ENDOU: variants seen among roughly 807,000 people sequenced by gnomAD.
The protein encoded by ENDOU is uridylate-specific endoribonuclease.
In ENDOU, 49 loss-of-function variants were observed where a neutral mutation model predicts 54.2. The ratio of observed to expected loss-of-function variants is 0.90; its 90% CI spans 0.72 to 1.15. The LOEUF (loss-of-function observed/expected upper bound fraction) is 1.15. ENDOU is among the 50% of genes most tolerant of loss of function. The pLI is 0.00. For missense variants in ENDOU, 458 were observed against 511.4 expected (o/e 0.90, Z 1.01); for synonymous variants, 172 against 190.5 (o/e 0.90, Z 0.80).
chr12:47,718,044 G>C, intron 3 of ENDOU, 85 bp downstream of exon 3: 1 of 1,195,024 alleles, frequency 8.4e-7, no homozygotes, highest in Non-Finnish European at 1.2e-6. Flanking sequence ...TGGGCCTGGT[G>C]CCACTGCCAT....
chr12:47,725,403 C>T lies in ENDOU; in HGVS notation c.11G>A (p.Cys4Tyr). 3.1e-6 allele frequency: 5 copies of T among 1,614,144 alleles called. No homozygotes were observed. Among genetic ancestry groups the T allele is most frequent in the African/African-American group, 1.3e-5 (1 of 75,054 alleles). Residue 4 changes from cysteine to tyrosine, a missense_variant, in exon 1 of 10, where the codon TGC becomes TAC. Transcript: ENST00000422538. MRA[C>Y]ISLVLAVLCG... ...CAGCACGGCCAATACCAGGGAGATG[C>T]AGGCCCTCATGGTGCCCAGTTGGAG...
Position 47,716,968 on chromosome 12 carries a change from T to G in ENDOU, c.473A>C (p.Lys158Thr). 1 of 1,614,214 alleles carries G rather than the reference T, an allele frequency of 6.2e-7. No individual in the cohort carries two copies. The highest frequency in any genetic ancestry group is 8.5e-7 in the Non-Finnish European group (1 of 1,180,000). The change falls in exon 5 of 10, where the codon AAG (lysine) becomes ACG (threonine). Residue 158 changes from lysine (K) to threonine (T), a missense_variant. Physicochemically the swap from Lys to Thr is moderately conservative, Grantham distance 78. Transcript: ENST00000422538. ...IYRADTNKAQ[K>T]EDIVLNSQNC... ...TTGGCTATTGAGAACGATGTCTTCC[T>G]TCTGGGCTTTGTTGGTGTCTGCCCT...
At position 47,717,671 on chromosome 12, in the gene ENDOU, T is replaced by C. The variant is rs1555185560; in HGVS notation, c.245-16A>G. The C allele has an allele frequency of 1.5e-5, 25 of 1,613,066 alleles. No individual in the cohort carries two copies. In the South Asian group the frequency reaches 2.4e-4, roughly 16 times the overall value. ...GAGTACAAGTCTGAGAAGAGAGGGG[T>C]GGTGTGTCCCGGGCTGACCTCTAGA... is the stretch of plus-strand genomic sequence containing the variant. On this transcript the variant is annotated splice_polypyrimidine_tract_variant and intron_variant, in intron 3 of 9. Transcript: ENST00000422538.
At chr12:47,711,996 A>G (rs1316040174) in intron 8 of ENDOU, among the ~76,000 whole-genome samples, 1 of 152,160 alleles carries the variant, frequency 6.6e-6, no homozygotes, top group Non-Finnish European at 1.5e-5. Flanking sequence ...GTGCACATCT[A>G]CCAGAAAGGC....
Position 47,716,361 on chromosome 12 carries a change from G to A in ENDOU, c.690C>T (p.Phe230=), listed in dbSNP as rs758941978. Residue 230 remains phenylalanine (F), a synonymous_variant, in exon 6 of 10, where the codon TTC becomes TTT. Transcript: ENST00000422538. ...SAQELAEQDA[F]LREIMKTAVM... ...CTGCTGTCTTCATGATCTCTCTGAG[G>A]AAGGCGTCCTGCTCGGCCAGCTCCT... The A allele has an allele frequency of 1.2e-6, 2 of 1,614,180 alleles. No individual in the cohort carries two copies. Among genetic ancestry groups the A allele is most frequent in the South Asian group, 2.2e-5 (2 of 91,086 alleles).
At chr12:47,724,310 C>G (rs1940522266) in intron 1 of ENDOU, among the ~76,000 whole-genome samples, 1 of 152,198 alleles carries the variant, frequency 6.6e-6, no homozygotes, top group Non-Finnish European at 1.5e-5. Context: ...GAGCTGGTTT[C>G]TGGTAAGATG....
intron 9 of ENDOU, 83 bp from the exon 10 acceptor site, chr12:47,711,002 A>G: frequency 1.2e-6 from 1 of 854,002 alleles, no homozygotes; most frequent in Non-Finnish European, 1.9e-6. Flanking sequence ...GCCCAACTGA[A>G]GCAGAAGGGC....
At chr12:47,715,356 C>T (rs982986232) in intron 6 of ENDOU, among the ~76,000 whole-genome samples, 4 of 152,304 alleles carry the variant, frequency 2.6e-5, no homozygotes, top group Admixed American at 6.5e-5. Context: ...GCCCCAGCTC[C>T]GCTTCCAACT....
chr12:47,711,865 G>T, intron 8 of ENDOU, 90 bp from the exon 9 acceptor site: 1 of 1,439,576 alleles, frequency 6.9e-7, no homozygotes, highest in Non-Finnish European at 9.6e-7. Context: ...GACAGTATTT[G>T]TTGAGGGTCC....
At chr12:47,718,499 CAGAT>C (rs773816407) in intron 2 of ENDOU, among the ~76,000 whole-genome samples, 2 of 152,210 alleles carry the variant, frequency 1.3e-5, no homozygotes, top group African/African-American at 4.8e-5. Context: ...CAAAAGTTGA[CAGAT>C]GGATAGAGGC....
At position 47,716,913 on chromosome 12, in the gene ENDOU, G is replaced by A; in HGVS notation, c.528C>T (p.Asn176=). ...ACGGCTTTGGGCAGCGATCCACTTG[G>A]TTTCTGGTCTCTGACGGGGAGATGC... ...QNCISPSETR[N]QVDRCPKPLF... Residue 176 remains asparagine (N), a synonymous_variant, in exon 5 of 10, where the codon AAC becomes AAT. Transcript: ENST00000422538. 6.2e-7 allele frequency: 1 copy of A among 1,614,198 alleles called. No homozygotes were observed. Among genetic ancestry groups the A allele is most frequent in the Non-Finnish European group, 8.5e-7 (1 of 1,180,040 alleles).
At chr12:47,725,322 C>T in intron 1 of ENDOU, 37 bp downstream of exon 1, 1 of 1,611,812 alleles carries the variant, frequency 6.2e-7, no homozygotes, top group Non-Finnish European at 8.5e-7. Flanking sequence ...AGATCCCGCC[C>T]CACCAGCAAT....
At chr12:47,716,758 T>C in intron 5 of ENDOU, 132 bp downstream of exon 5, 2 of 912,802 alleles carry the variant, frequency 2.2e-6, no homozygotes, top group South Asian at 3.3e-5. Context: ...GATGGCTTTG[T>C]CTCTGGAGAA....
intron 8 of ENDOU, 54 bp downstream of exon 8, chr12:47,712,462 A>T (rs1050710596): frequency 1.5e-6 from 2 of 1,349,230 alleles, no homozygotes; most frequent in Non-Finnish European, 1.1e-6. Context: ...TGGAACACAG[A>T]GTGAGAGCAG....
intron 3 of ENDOU, 180 bp downstream of exon 3, chr12:47,717,949 G>T (rs1176573600): frequency 3.2e-6 from 2 of 626,100 alleles, no homozygotes; most frequent in African/African-American, 1.9e-5. Flanking sequence ...TCCTCCCATG[G>T]CCCCCCAGGC....
At chr12:47,716,106 G>T (rs1042719144) in intron 6 of ENDOU, among the ~76,000 whole-genome samples, 194 bp downstream of exon 6, 4 of 152,144 alleles carry the variant, frequency 2.6e-5, no homozygotes, top group Admixed American at 2.0e-4. Context: ...CAGAGGATGT[G>T]CCAGCTCCTG....
Position 47,712,525 on chromosome 12 carries a change from G to A in ENDOU, c.963C>T (p.Tyr321=), listed in dbSNP as rs142299832. The part of the protein sequence containing the change: ...EGLVDYYSHI[Y]DGPWDSYPDV... The stretch of plus-strand genomic sequence containing the variant: ...TAGTCCGTGTACTCACAGGCCCATC[G>A]TAGATGTGACTGTAATAGTCAACCA... The change falls in exon 8 of 10, where the codon TAC becomes TAT. Residue 321 remains tyrosine (Y), a synonymous_variant. Transcript: ENST00000422538. 6.2e-4 allele frequency: 1,004 copies of A among 1,610,094 alleles called. 4 individuals carry two copies. In the African/African-American group the frequency reaches 0.011, roughly 17 times the overall value.
rs764768613 is a variant in ENDOU at position 47,716,365 on chromosome 12, G to A, written c.686C>T (p.Ala229Val). The stretch of plus-strand genomic sequence containing the variant: ...TGTCTTCATGATCTCTCTGAGGAAG[G>A]CGTCCTGCTCGGCCAGCTCCTGGGC... ...FSAQELAEQD[A>V]FLREIMKTAV... The change falls in exon 6 of 10, where the codon GCC becomes GTC. Residue 229 changes from alanine to valine, a missense_variant. Transcript: ENST00000422538. 3.5e-5 allele frequency: 56 copies of A among 1,614,080 alleles called. No homozygotes were observed. In the Middle Eastern group the frequency reaches 1.5e-3, roughly 43 times the overall value.
chr12:47,724,280 C>T (rs1000404430), intron 1 of ENDOU, among the ~76,000 whole-genome samples: 3 of 152,224 alleles, frequency 2.0e-5, no homozygotes, highest in Non-Finnish European at 4.4e-5. Context: ...ACTGCCTCTC[C>T]ACCCACTAGG....
Sources: gnomAD v4.1 joint callset for allele counts (sites outside exome capture counted in the v4.1 genomes callset) on GRCh38, gnomAD v4.1.1 for gene constraint, MANE v1.5 for transcripts, NCBI Gene and HGNC (gene_info 2026-07-23, HGNC 2026-07-21) for gene names.